The following PDLIM5 variants were observed in gnomAD, a reference collection of about 807,000 sequenced individuals.
The protein encoded by PDLIM5 is PDZ and LIM domain protein 5.
Under a neutral mutation model 64.2 loss-of-function variants are expected in PDLIM5, and 34 were observed. The observed-to-expected ratio is 0.53, with a 90% CI of 0.40 to 0.71. The LOEUF (loss-of-function observed/expected upper bound fraction) is 0.71. PDLIM5 is among the 30% of genes least tolerant of loss of function. The pLI, the probability that PDLIM5 is intolerant of heterozygous loss-of-function variation, is 0.00. For synonymous variants in PDLIM5, 253 were observed against 269.1 expected (o/e 0.94, Z 0.59); for missense variants, 683 against 733.6 (o/e 0.93, Z 0.80).
rs558453927 is a variant in PDLIM5 at position 94,614,903 on chromosome 4, G to A, written c.921-3101G>A. 6.6e-4 allele frequency among the ~76,000 whole-genome samples: 101 copies of A among 152,318 alleles called. 2 individuals are homozygous for A. The South Asian group carries it at 0.012, about 19-fold the overall frequency. ...TCTGGGGTCAATACCCTGCACCCAA[G>A]TGATCCATAGTACATTTAGAAGCAA... On this transcript the variant is annotated intron_variant, in intron 7 of 12. Coordinates refer to ENST00000317968, the MANE Select transcript of PDLIM5 (RefSeq NM_006457.5).
intron 2 of PDLIM5, chr4:94,456,340 A>G (rs957818892): frequency 1.7e-5 from 10 of 579,950 alleles, no homozygotes; most frequent in Non-Finnish European, 2.2e-5. Context: ...CTGGGATTAC[A>G]GGCATGTGCC....
intron 9 of PDLIM5, among the ~76,000 whole-genome samples, chr4:94,645,866 C>T (rs1741371712): frequency 6.6e-6 from 1 of 152,128 alleles, no homozygotes; most frequent in Non-Finnish European, 1.5e-5. Context: ...GTAAACCTGC[C>T]ATAACTGAAG....
chr4:94,533,360 C>T (rs1338828919), intron 3 of PDLIM5, among the ~76,000 whole-genome samples: 3 of 152,054 alleles, frequency 2.0e-5, no homozygotes, highest in Non-Finnish European at 4.4e-5. Flanking sequence ...AATCTATACT[C>T]CTTTGGGAAA....
At chr4:94,576,448 T>C (rs929532161) in intron 5 of PDLIM5, among the ~76,000 whole-genome samples, 1 of 152,156 alleles carries the variant, frequency 6.6e-6, no homozygotes, top group Non-Finnish European at 1.5e-5. Flanking sequence ...AGAGGGGAAA[T>C]CATGAATTTG....
chr4:94,643,580 G>T (rs144746767), intron 9 of PDLIM5, among the ~76,000 whole-genome samples: 1 of 152,078 alleles, frequency 6.6e-6, no homozygotes, highest in South Asian at 2.1e-4. Flanking sequence ...GGAGTTAACG[G>T]AACTATTTAT....
chr4:94,573,478 T>C, intron 4 of PDLIM5, 85 bp downstream of exon 4: 1 of 1,036,466 alleles, frequency 9.6e-7, no homozygotes. Flanking sequence ...CAGACCATAC[T>C]GACATTCATT....
intron 3 of PDLIM5, among the ~76,000 whole-genome samples, chr4:94,544,113 T>G (rs1732096840): frequency 1.3e-5 from 2 of 152,162 alleles, no homozygotes; most frequent in African/African-American, 4.8e-5. Context: ...TCCTTGCAGT[T>G]GCACCACTCC....
chr4:94,484,462 A>G (rs1002384497), intron 2 of PDLIM5, among the ~76,000 whole-genome samples: 17 of 152,226 alleles, frequency 1.1e-4, no homozygotes, highest in Non-Finnish European at 2.9e-5. Flanking sequence ...ATATATAACT[A>G]TGTAACATAT....
chr4:94,516,216 A>G (rs1448911794), intron 2 of PDLIM5, among the ~76,000 whole-genome samples: 1 of 152,232 alleles, frequency 6.6e-6, no homozygotes, highest in African/African-American at 2.4e-5. Context: ...TGGCTACATA[A>G]GGAAAAGAGA....
intron 9 of PDLIM5, among the ~76,000 whole-genome samples, chr4:94,650,902 A>C (rs1428468323): frequency 1.3e-5 from 2 of 152,052 alleles, no homozygotes; most frequent in African/African-American, 4.8e-5. Flanking sequence ...CAGCCAACCA[A>C]ATGCTTTAAA....
At position 94,657,599 on chromosome 4, in the gene PDLIM5, T is replaced by G. The variant is rs754142327; in HGVS notation, c.1585+52T>G. The G allele has an allele frequency of 2.2e-6, 3 of 1,390,826 alleles. No individual in the cohort carries two copies. In the East Asian group the frequency reaches 6.9e-5, roughly 32 times the overall value. The allele number at this position is 1,390,826 out of a possible 1,614,324, so 86.2% of individuals were successfully genotyped here. A position where few individuals can be genotyped will look rare whatever the true frequency, so the allele number is the denominator to read the frequency against. On this transcript the variant is annotated intron_variant, in intron 11 of 12. Coordinates refer to ENST00000317968, the MANE Select transcript of PDLIM5 (RefSeq NM_006457.5). The stretch of plus-strand genomic sequence containing the variant: ...TGAATTTTGAATAAAGGTAAAACAT[T>G]AACCCTTATATTACTATAAAGCTCA...
At chr4:94,534,332 TA>T (rs1433370519) in intron 3 of PDLIM5, among the ~76,000 whole-genome samples, 1 of 152,238 alleles carries the variant, frequency 6.6e-6, no homozygotes, top group Non-Finnish European at 1.5e-5. Flanking sequence ...ACTTTTAGAA[TA>T]AATTTTCTTT....
In PDLIM5 at chr4:94,627,824, A is replaced by G. The variant is rs1280593884; in HGVS notation, c.1108+9633A>G. On this transcript the variant is annotated intron_variant, in intron 8 of 12. Coordinates refer to ENST00000317968, the MANE Select transcript of PDLIM5 (RefSeq NM_006457.5). Reference sequence around the variant, plus strand: ...TTAGTTGCAGACTTTATTGACAGCCATCAGCACCCTTGGTAGCACTAGTCC... The same window carrying G: ...TTAGTTGCAGACTTTATTGACAGCCGTCAGCACCCTTGGTAGCACTAGTCC... Among the ~76,000 whole-genome samples, 5 of 152,228 alleles carry G rather than the reference A, an allele frequency of 3.3e-5. No homozygotes were observed. The East Asian group carries it at 9.6e-4, about 29-fold the overall frequency.
intron 7 of PDLIM5, among the ~76,000 whole-genome samples, chr4:94,594,585 A>T (rs1736918836): frequency 6.6e-6 from 1 of 152,058 alleles, no homozygotes; most frequent in African/African-American, 2.4e-5. Flanking sequence ...TTTAGAGATA[A>T]TTATGTTATA....
chr4:94,539,414 A>G (rs775825576), intron 3 of PDLIM5, among the ~76,000 whole-genome samples: 10 of 152,168 alleles, frequency 6.6e-5, no homozygotes, highest in Non-Finnish European at 1.2e-4. Flanking sequence ...CACAGAGGCC[A>G]TGATATATGA....
intron 2 of PDLIM5, among the ~76,000 whole-genome samples, chr4:94,489,275 T>C (rs1726639129): frequency 6.6e-6 from 1 of 152,148 alleles, no homozygotes; most frequent in Non-Finnish European, 1.5e-5. Flanking sequence ...TGTCCCTGGT[T>C]CTGGAACTTT....
intron 2 of PDLIM5, among the ~76,000 whole-genome samples, chr4:94,483,824 A>C (rs895072068): frequency 2.6e-5 from 4 of 152,170 alleles, no homozygotes; most frequent in Non-Finnish European, 5.9e-5. Context: ...TAATCTTCAC[A>C]TTTATGGAAT....
At chr4:94,621,784 C>T (rs541044848) in intron 8 of PDLIM5, among the ~76,000 whole-genome samples, 1 of 152,186 alleles carries the variant, frequency 6.6e-6, no homozygotes, top group Admixed American at 6.5e-5. Flanking sequence ...TAATGAGTCA[C>T]ATGGTTAGTG....
At chr4:94,510,525 G>A (rs1476071004) in intron 2 of PDLIM5, among the ~76,000 whole-genome samples, 1 of 152,082 alleles carries the variant, frequency 6.6e-6, no homozygotes, top group Non-Finnish European at 1.5e-5. Context: ...CGAAAACGCA[G>A]ACCTTTTAGT....
Sources: allele counts gnomAD v4.1 joint callset (sites outside exome capture counted in the v4.1 genomes callset), GRCh38; gene constraint gnomAD v4.1.1; transcripts MANE v1.5; gene names NCBI Gene and HGNC (gene_info 2026-07-23, HGNC 2026-07-21).